UPF1: variants seen among roughly 807,000 people sequenced by gnomAD.
UPF1 encodes the protein regulator of nonsense transcripts 1.
In UPF1, 9 loss-of-function variants were observed where a neutral mutation model predicts 129.2. That is an observed-to-expected ratio of 0.07 (90% CI 0.04 to 0.12). UPF1 has a LOEUF of 0.12. UPF1 is among the 10% of genes least tolerant of loss of function. UPF1 has a pLI of 1.00. For synonymous variants in UPF1, 649 were observed against 644.9 expected, an observed-to-expected ratio of 1.01 and a Z score of -0.10; for missense variants, 788 against 1,525.3, an observed-to-expected ratio of 0.52 and a Z score of 8.05.
chr19:18,861,623 A>G (rs1245294369), intron 17 of UPF1, among the ~76,000 whole-genome samples: 1 of 152,158 alleles, frequency 6.6e-6, no homozygotes, highest in Non-Finnish European at 1.5e-5. Flanking sequence ...GCTTGAGGCT[A>G]GGAGTTCCAG....
chr19:18,865,933 G>A lies in UPF1; in HGVS notation c.3238-111G>A, dbSNP rs918151290. On this transcript the variant is annotated intron_variant, in intron 22 of 23. Coordinates refer to ENST00000262803, the MANE Select transcript of UPF1 (RefSeq NM_002911.4). This position sits in a 1 kb window ranked among gnomAD's most constrained non-coding sequence, Gnocchi z 6.1. ...GGGGTCATCAGAGTGGGTCTCCTGG[G>A]TCTTAGTTTGGGGACGGGTTTTCCA... The A allele has an allele frequency of 8.2e-6, 13 of 1,588,964 alleles. No individual in the cohort carries two copies. In the African/African-American group the frequency reaches 1.6e-4, roughly 20 times the overall value.
In UPF1 at chr19:18,832,739, G is replaced by A. The variant is rs1401418464; in HGVS notation, c.231+299G>A. ...AGACTTGCCTCGAGTCCTCCACTTC[G>A]TTCGGGACCGAGCTAACCTGACCCT... On this transcript the variant is annotated intron_variant, in intron 1 of 23. Coordinates refer to ENST00000262803, the MANE Select transcript of UPF1 (RefSeq NM_002911.4). The surrounding 1 kb of genome is among the most constrained non-coding windows in gnomAD (Gnocchi z 5.6). 6.6e-6 allele frequency among the ~76,000 whole-genome samples: 1 copy of A among 151,900 alleles called. No homozygotes were observed. The highest frequency in any genetic ancestry group is 1.5e-5 in the Non-Finnish European group (1 of 67,952).
Position 18,856,164 on chromosome 19 carries a change from G to A in UPF1, c.1710-22G>A, listed in dbSNP as rs2055715671. ...GACATGTACAGAACTCAGGCACCCT[G>A]CTGACCTGCATGTGCTTCCAGCATG... On this transcript the variant is annotated intron_variant, in intron 12 of 23. Coordinates refer to ENST00000262803, the MANE Select transcript of UPF1 (RefSeq NM_002911.4). The A allele has an allele frequency of 1.9e-6, 3 of 1,604,704 alleles. No individual in the cohort carries two copies. In the East Asian group the frequency reaches 6.7e-5, roughly 36 times the overall value.
intron 1 of UPF1, among the ~76,000 whole-genome samples, chr19:18,843,258 G>A (rs2055560404): frequency 6.6e-6 from 1 of 152,094 alleles, no homozygotes; most frequent in African/African-American, 2.4e-5. Flanking sequence ...TGGGCTCATG[G>A]CAGGGAGCAG....
In UPF1 at chr19:18,850,231, G is replaced by A; in HGVS notation, c.618G>A (p.Val206=). The A allele has an allele frequency of 1.2e-6, 2 of 1,608,920 alleles. No individual in the cohort carries two copies. The highest frequency in any genetic ancestry group is 1.3e-5 in the African/African-American group (1 of 74,940). ...FIPAKADSVV[V]LLCRQPCASQ... The stretch of plus-strand genomic sequence containing the variant: ...CGGCCAAAGCTGACTCAGTGGTGGT[G>A]CTGCTGTGCAGGTGAGTGGTCCCCA... Residue 206 remains valine, a synonymous_variant, in exon 4 of 24, where the codon GTG becomes GTA. Coordinates refer to ENST00000262803, the MANE Select transcript of UPF1 (RefSeq NM_002911.4). This position sits in a 1 kb window ranked among gnomAD's most constrained non-coding sequence, Gnocchi z 7.1.
intron 1 of UPF1, among the ~76,000 whole-genome samples, chr19:18,841,953 C>G (rs982341134): frequency 2.0e-5 from 3 of 152,160 alleles, no homozygotes; most frequent in African/African-American, 7.2e-5. Context: ...AAAAAACTTT[C>G]TAGGCATTGT....
At chr19:18,855,415 C>A (rs995689249) in intron 11 of UPF1, 173 bp downstream of exon 11, 14 of 731,572 alleles carry the variant, frequency 1.9e-5, no homozygotes, top group Non-Finnish European at 3.1e-5. Context: ...CAGCTCCAAC[C>A]TTAGGATTGC....
At chr19:18,848,111 T>G (rs1446869100) in intron 3 of UPF1, 23 of 390,878 alleles carry the variant, frequency 5.9e-5, no homozygotes, top group Non-Finnish European at 1.1e-4. Flanking sequence ...CAAGATGAGC[T>G]CTTGGCACAC....
In UPF1 at chr19:18,863,508, T is replaced by C; in HGVS notation, c.2671T>C (p.Tyr891His). Residue 891 changes from tyrosine to histidine, a missense_variant, in exon 19 of 24, where the codon TAC (tyrosine) becomes CAC (histidine). Physicochemically the swap from Tyr to His is moderately conservative, Grantham distance 83. Around this residue, in one of 6 missense-constraint regions of UPF1, gnomAD observed 218 missense variants for 318.1 expected, o/e 0.69. Transcript: ENST00000262803. Reference protein sequence around the residue: ...KQPLWNHLLNYYKEQKVLVEG... With the variant: ...KQPLWNHLLNHYKEQKVLVEG... ...GCCGCTCTGGAACCACCTGCTGAAC[T>C]ACTATAAGGAGCAGAAGGTGCTGGT... is the stretch of plus-strand genomic sequence containing the variant. 6.2e-7 allele frequency: 1 copy of C among 1,613,894 alleles called. No individual in the cohort carries two copies. Among genetic ancestry groups the C allele is most frequent in the Non-Finnish European group, 8.5e-7 (1 of 1,179,870 alleles).
chr19:18,836,381 A>C (rs1447262699), intron 1 of UPF1, among the ~76,000 whole-genome samples: 2 of 152,200 alleles, frequency 1.3e-5, no homozygotes, highest in Non-Finnish European at 2.9e-5. Context: ...GAAGGAACAA[A>C]CTATTGATAC....
chr19:18,857,526 C>T lies in UPF1; in HGVS notation c.2175C>T (p.Val725=), dbSNP rs8103462. The T allele has an allele frequency of 1.2e-4, 199 of 1,611,574 alleles. No homozygotes were observed. In the African/African-American group the frequency reaches 2.1e-3, roughly 17 times the overall value. ...IFYEGSLQNG[V]TAADRVKKGF... ...ACGAGGGCTCCCTCCAGAATGGTGT[C>T]ACTGCAGGTAACGGGGCTCTGCCCA... is the stretch of plus-strand genomic sequence containing the variant. The change falls in exon 15 of 24, where the codon GTC becomes GTT. Residue 725 remains valine, a synonymous_variant. Transcript: ENST00000262803.
At chr19:18,847,608 A>G (rs1257031212) in intron 2 of UPF1, 136 bp from the exon 3 acceptor site, 1 of 749,686 alleles carries the variant, frequency 1.3e-6, no homozygotes, top group Non-Finnish European at 2.3e-6. Flanking sequence ...TGATTTGGTT[A>G]CTGGGATTGT....
In UPF1 at chr19:18,832,647, G is replaced by GC. The variant is rs1337427663; in HGVS notation, c.231+211dup. ...AATCTGCCCGGGCCTGGCCTGATCT[G>GC]CCCCGGGTCCCCCGCTCCGGCCGCG... On this transcript the variant is annotated intron_variant, in intron 1 of 23. Coordinates refer to ENST00000262803, the MANE Select transcript of UPF1 (RefSeq NM_002911.4). This position sits in a 1 kb window ranked among gnomAD's most constrained non-coding sequence, Gnocchi z 5.6. Among the ~76,000 whole-genome samples the GC allele has an allele frequency of 5.3e-5, 8 of 152,172 alleles. No homozygotes were observed. Among genetic ancestry groups the GC allele is most frequent in the Non-Finnish European group, 1.2e-4 (8 of 68,014 alleles).
rs1258473934 is a variant in UPF1, at chr19:18,846,227, ACT to A, written c.371+111_371+112del. On this transcript the variant is annotated intron_variant, in intron 2 of 23. Transcript: ENST00000262803. ...TACAGGGTGGCGCCCTTGTGCTGTG[ACT>A]CTGGGTGGCGGTGTCCTCGGGAGTA... 4.0e-6 allele frequency: 6 copies of A among 1,490,998 alleles called. No homozygotes were observed. The South Asian group carries it at 5.2e-5, about 13-fold the overall frequency. 92.4% of individuals were successfully genotyped at this position (1,490,998 alleles called of 1,614,324 possible).
chr19:18,856,264 G>A lies in UPF1; in HGVS notation c.1788G>A (p.Arg596=). ...ELSSADEKRY[R]ALKRTAEREL... ...CGTCTGCCGACGAGAAGCGGTACCG[G>A]GCCTTGAAGCGCACCGCAGAGAGAG... is the stretch of plus-strand genomic sequence containing the variant. The change falls in exon 13 of 24, where the codon CGG becomes CGA. Residue 596 remains arginine (R), a synonymous_variant. Coordinates refer to ENST00000262803, the MANE Select transcript of UPF1 (RefSeq NM_002911.4). The A allele has an allele frequency of 6.2e-7, 1 of 1,606,438 alleles. No homozygotes were observed. The highest frequency in any genetic ancestry group is 1.3e-5 in the African/African-American group (1 of 74,932).
At chr19:18,848,822 T>G (rs1205385448) in intron 3 of UPF1, among the ~76,000 whole-genome samples, 2 of 152,188 alleles carry the variant, frequency 1.3e-5, no homozygotes, top group Non-Finnish European at 2.9e-5. Flanking sequence ...CTTGTCCCAT[T>G]TTCAGAATCT....
In UPF1 at chr19:18,846,122, G is replaced by T; in HGVS notation, c.371+3G>T. On this transcript the variant is annotated splice_donor_region_variant and intron_variant, in intron 2 of 23. Coordinates refer to ENST00000262803, the MANE Select transcript of UPF1 (RefSeq NM_002911.4). ...GACCTCCCCATACACGCCTGCAGGT[G>T]AGCTGAGCTCAGCTGGGCCTGGGCA... The T allele has an allele frequency of 6.2e-7, 1 of 1,613,880 alleles. No individual in the cohort carries two copies. The highest frequency in any genetic ancestry group is 1.1e-5 in the South Asian group (1 of 91,054).
intron 1 of UPF1, among the ~76,000 whole-genome samples, chr19:18,842,082 G>A (rs1162576144): frequency 6.6e-6 from 1 of 152,166 alleles, no homozygotes; most frequent in Non-Finnish European, 1.5e-5. Context: ...GGGTGGCAGA[G>A]CAAGACCCTG....
In UPF1 at chr19:18,852,123, G is replaced by A. The variant is rs749464975; in HGVS notation, c.811-12G>A. ...AACAGGACGAGTGTGGCGCGGTGTTGTTGTCTTCTAGGAAAACCCTTCTGC... is the reference window on the plus strand; with the variant it reads ...AACAGGACGAGTGTGGCGCGGTGTTATTGTCTTCTAGGAAAACCCTTCTGC... On this transcript the variant is annotated splice_polypyrimidine_tract_variant and intron_variant, in intron 5 of 23. Coordinates refer to ENST00000262803, the MANE Select transcript of UPF1 (RefSeq NM_002911.4). 8 of 1,598,540 alleles carry A rather than the reference G, an allele frequency of 5.0e-6. No homozygotes were observed. In the South Asian group the frequency reaches 8.9e-5, roughly 18 times the overall value.
Sources: gnomAD v4.1 joint callset for allele counts (sites outside exome capture counted in the v4.1 genomes callset) on GRCh38, gnomAD v4.1.1 for gene constraint, gnomAD v4.1.1 regional missense constraint, Gnocchi (gnomAD v3.1) non-coding constraint, MANE v1.5 for transcripts, NCBI Gene and HGNC (gene_info 2026-07-23, HGNC 2026-07-21) for gene names.